The following VPS39 variants were observed in gnomAD, a reference collection of about 807,000 sequenced individuals.
VPS39 encodes VPS39 subunit of HOPS complex, also known as vam6/Vps39-like protein.
VPS39 carries 70 observed loss-of-function variants against 121.0 expected under a neutral mutation model. The ratio of observed to expected loss-of-function variants is 0.58; its 90% CI spans 0.48 to 0.71. The LOEUF is 0.71. Ranked by LOEUF, VPS39 falls within the 30% of genes least tolerant of loss-of-function variation. The pLI, the probability that VPS39 is intolerant of heterozygous loss-of-function variation, is 0.00. For missense variants in VPS39, 818 were observed against 1,051.5 expected, an observed-to-expected ratio of 0.78 and a Z score of 3.07; for synonymous variants, 378 against 398.1, an observed-to-expected ratio of 0.95 and a Z score of 0.60.
At chr15:42,188,391 G>C (rs570797663) in intron 5 of VPS39, among the ~76,000 whole-genome samples, 53 of 152,244 alleles carry the variant, frequency 3.5e-4, no homozygotes, top group African/African-American at 1.2e-3. Flanking sequence ...TGATAAATTG[G>C]CAAAAATAAA....
Position 42,166,616 on chromosome 15 carries a change from G to T in VPS39, c.1553C>A (p.Ala518Asp). The T allele has an allele frequency of 6.2e-7, 1 of 1,614,184 alleles. No individual in the cohort carries two copies. ...LQVLVDQSKK[A>D]NSPLKGHERT... Reference sequence around the variant, plus strand: ...CTCGTGGCCTTTCAGAGGGGAGTTGGCTTTCTTGGACTGGTCCACGAGCAC... The same window carrying T: ...CTCGTGGCCTTTCAGAGGGGAGTTGTCTTTCTTGGACTGGTCCACGAGCAC... The change falls in exon 15 of 25, where the codon GCC (alanine) becomes GAC (aspartate). Residue 518 changes from alanine to aspartate, a missense_variant. Transcript: ENST00000318006.
intron 2 of VPS39, among the ~76,000 whole-genome samples, chr15:42,196,533 A>T (rs183836928): frequency 0.06 from 9,144 of 152,290 alleles, 616 homozygotes; most frequent in Admixed American, 0.16. Flanking sequence ...TTCTCAAAAG[A>T]AGACATTTAT....
chr15:42,199,680 T>G (rs777650661), intron 2 of VPS39: 3 of 549,360 alleles, frequency 5.5e-6, no homozygotes, highest in Non-Finnish European at 9.8e-6. Context: ...CAGTAATAAG[T>G]AAACCAGCAA....
chr15:42,164,922 C>A, intron 18 of VPS39, 74 bp downstream of exon 18: 3 of 1,593,188 alleles, frequency 1.9e-6, no homozygotes, highest in Non-Finnish European at 2.6e-6. Flanking sequence ...TGCTTACCCC[C>A]ACCACACGTG....
intron 8 of VPS39, among the ~76,000 whole-genome samples, chr15:42,183,043 C>T (rs937285466): frequency 2.0e-5 from 3 of 152,052 alleles, no homozygotes; most frequent in Admixed American, 6.6e-5. Flanking sequence ...ATTTCTCTTC[C>T]TTCTAGTCTA....
At chr15:42,189,257 G>T in intron 4 of VPS39, 49 bp from the exon 5 acceptor site, 1 of 1,494,434 alleles carries the variant, frequency 6.7e-7, no homozygotes, top group Non-Finnish European at 9.3e-7. Flanking sequence ...TAATTCTCTA[G>T]CATAGCCACT....
chr15:42,174,101 G>T (rs1193851972), intron 10 of VPS39, among the ~76,000 whole-genome samples: 2 of 152,116 alleles, frequency 1.3e-5, no homozygotes, highest in African/African-American at 2.4e-5. Context: ...CAAAAAATTA[G>T]CTGGGCGTGG....
In VPS39 at chr15:42,208,272, A is replaced by G; in HGVS notation, c.-119T>C. ...ATCCGGCCAGGAACCCCCCGGCTACAGGCCCTTCAACAACACAGCCATCGT... is the reference window on the plus strand; with the variant it reads ...ATCCGGCCAGGAACCCCCCGGCTACGGGCCCTTCAACAACACAGCCATCGT... On this transcript the variant is annotated 5_prime_UTR_variant, in exon 1 of 25. Coordinates refer to ENST00000318006, the MANE Select transcript of VPS39 (RefSeq NM_015289.5). 1 of 1,337,960 alleles carries G rather than the reference A, an allele frequency of 7.5e-7. No individual in the cohort carries two copies. 82.9% of individuals were successfully genotyped at this position (1,337,960 alleles called of 1,614,324 possible).
chr15:42,184,435 A>C, intron 8 of VPS39, 82 bp downstream of exon 8: 1 of 1,432,002 alleles, frequency 7.0e-7, no homozygotes. Context: ...AGTCTGCTAA[A>C]GCTACGAATG....
chr15:42,184,586 C>A lies in VPS39; in HGVS notation c.649G>T (p.Val217Leu). The A allele has an allele frequency of 6.2e-7, 1 of 1,614,196 alleles. No homozygotes were observed. Reference protein sequence around the residue: ...VAVGQDDLTVVLNEEGICTQK... With the variant: ...VAVGQDDLTVLLNEEGICTQK... ...GTGCAGATCCCTTCCTCATTGAGTA[C>A]CACGGTGAGATCATCCTGGCCCACA... Residue 217 changes from valine (V) to leucine (L), a missense_variant, in exon 8 of 25, where the codon GTA (valine) becomes TTA (leucine). Val to Leu is a conservative substitution (Grantham distance 32). Coordinates refer to ENST00000318006, the MANE Select transcript of VPS39 (RefSeq NM_015289.5).
Position 42,169,741 on chromosome 15 carries a change from T to A in VPS39, c.1216A>T (p.Ile406Phe), listed in dbSNP as rs765635808. ...AELEKAHLAL[I>F]DYLTQKRSQL... is the part of the protein sequence containing the mutation. Reference sequence around the variant, plus strand: ...ATACCTACCTGTGTCAGGTAGTCAATCAGAGCTAAGTGAGCCTTCTCCAAT... The same window carrying A: ...ATACCTACCTGTGTCAGGTAGTCAAACAGAGCTAAGTGAGCCTTCTCCAAT... The change falls in exon 12 of 25, where the codon ATT (isoleucine) becomes TTT (phenylalanine). Residue 406 changes from isoleucine to phenylalanine, a missense_variant. Coordinates refer to ENST00000318006, the MANE Select transcript of VPS39 (RefSeq NM_015289.5). The A allele has an allele frequency of 1.2e-6, 2 of 1,613,964 alleles. No homozygotes were observed. The highest frequency in any genetic ancestry group is 2.2e-5 in the South Asian group (2 of 91,060).
chr15:42,161,336 G>GA, intron 24 of VPS39: 1 of 411,798 alleles, frequency 2.4e-6, no homozygotes, highest in Non-Finnish European at 4.6e-6. Flanking sequence ...GCAGTAGCTT[G>GA]AAAGATCTTT....
At chr15:42,197,850 T>C (rs1218947575) in intron 2 of VPS39, among the ~76,000 whole-genome samples, 1 of 152,072 alleles carries the variant, frequency 6.6e-6, no homozygotes, top group East Asian at 1.9e-4. Context: ...GAAACCAAAT[T>C]AACCCTAGAA....
chr15:42,189,159 C>T lies in VPS39; in HGVS notation c.297G>A (p.Thr99=), dbSNP rs766137576. 9 of 1,613,812 alleles carry T rather than the reference C, an allele frequency of 5.6e-6. No individual in the cohort carries two copies. The highest frequency in any genetic ancestry group is 3.3e-5 in the Admixed American group (2 of 60,014). Residue 99 remains threonine (T), a synonymous_variant, in exon 5 of 25, where the codon ACG becomes ACA. Coordinates refer to ENST00000318006, the MANE Select transcript of VPS39 (RefSeq NM_015289.5). ...GTGATGCTCCCTTTGCCTTTGAAAC[C>T]GTAGTGATTTGTTGAAATGTCAATA... is the stretch of plus-strand genomic sequence containing the variant. ...HDLLTFQQIT[T]VSKAKGASLF...
At chr15:42,187,478 A>T (rs1595670421) in intron 6 of VPS39, 115 bp from the exon 7 acceptor site, 1 of 920,726 alleles carries the variant, frequency 1.1e-6, no homozygotes, top group East Asian at 2.6e-5. Context: ...CATCGGGCAC[A>T]ATTCTACAGG....
chr15:42,181,791 C>T (rs2049586866), intron 8 of VPS39, among the ~76,000 whole-genome samples: 2 of 152,012 alleles, frequency 1.3e-5, no homozygotes, highest in Non-Finnish European at 2.9e-5. Context: ...CTTACTGCCG[C>T]CTCCATCTCC....
chr15:42,183,353 C>T (rs923256551), intron 8 of VPS39, among the ~76,000 whole-genome samples: 11 of 152,000 alleles, frequency 7.2e-5, no homozygotes, highest in African/African-American at 2.7e-4. Flanking sequence ...CTGCCTGCCT[C>T]AGCCTCCCAA....
intron 8 of VPS39, among the ~76,000 whole-genome samples, chr15:42,180,076 C>T (rs529465764): frequency 6.6e-6 from 1 of 152,096 alleles, no homozygotes. Flanking sequence ...TCTGGGACTT[C>T]CAAGTCTCCA....
Position 42,162,452 on chromosome 15 carries a change from C to T in VPS39, c.2205G>A (p.Leu735=), listed in dbSNP as rs777424720. 3.1e-6 allele frequency: 5 copies of T among 1,610,902 alleles called. No individual in the cohort carries two copies. The highest frequency in any genetic ancestry group is 4.5e-5 in the East Asian group (2 of 44,806). The change falls in exon 22 of 25, where the codon CTG becomes CTA. Residue 735 remains leucine, a synonymous_variant. Coordinates refer to ENST00000318006, the MANE Select transcript of VPS39 (RefSeq NM_015289.5). The stretch of plus-strand genomic sequence containing the variant: ...CCAGGCAGTGAATGCTGGGGGGCGA[C>T]AGGTACATCCGAAGCAGGGACAGAT... ...DVYLSLLRMY[L]SPPSIHCLGP...
Sources: gnomAD v4.1 joint callset for allele counts (sites outside exome capture counted in the v4.1 genomes callset) on GRCh38, gnomAD v4.1.1 for gene constraint, MANE v1.5 for transcripts, NCBI Gene and HGNC (gene_info 2026-07-23, HGNC 2026-07-21) for gene names.